Variants in SORCS1 observed in about 807,000 individuals in gnomAD.
SORCS1 encodes VPS10 domain-containing receptor SorCS1.
Under a neutral mutation model 146.1 loss-of-function variants are expected in SORCS1, and 60 were observed. The observed-to-expected ratio is 0.41, with a 90% CI of 0.33 to 0.51. The LOEUF (loss-of-function observed/expected upper bound fraction) is 0.51, where lower values mean the gene tolerates loss of function less well. SORCS1 is among the 20% of genes least tolerant of loss of function. The pLI, the probability that SORCS1 is intolerant of heterozygous loss-of-function variation, is 0.21. For missense variants in SORCS1, 1,352 were observed against 1,487.6 expected, an observed-to-expected ratio of 0.91 and a Z score of 1.50; for synonymous variants, 637 against 584.0, an observed-to-expected ratio of 1.09 and a Z score of -1.31.
intron 1 of SORCS1, among the ~76,000 whole-genome samples, chr10:106,957,124 T>TAAATAC (rs1954980840): frequency 1.3e-5 from 2 of 151,498 alleles, no homozygotes; most frequent in South Asian, 2.1e-4. Flanking sequence ...AATTAGGAAA[T>TAAATAC]AAATACAAAT....
chr10:106,811,477 G>A (rs1214547722), intron 3 of SORCS1, among the ~76,000 whole-genome samples: 1 of 152,142 alleles, frequency 6.6e-6, no homozygotes, highest in Non-Finnish European at 1.5e-5. Context: ...TTGTTAAAAT[G>A]CAGATTCTCA....
intron 18 of SORCS1, among the ~76,000 whole-genome samples, chr10:106,649,924 T>C (rs1849736835): frequency 6.6e-6 from 1 of 152,200 alleles, no homozygotes; most frequent in African/African-American, 2.4e-5. Flanking sequence ...TATATCTTTA[T>C]TTTTACAATT....
At chr10:107,018,197 C>T (rs1395724163) in intron 1 of SORCS1, among the ~76,000 whole-genome samples, 7 of 151,650 alleles carry the variant, frequency 4.6e-5, no homozygotes, top group South Asian at 2.1e-4. Flanking sequence ...TTTTCGGAGA[C>T]GGAGTCCCGC....
At chr10:106,887,730 G>T (rs1951054660) in intron 2 of SORCS1, among the ~76,000 whole-genome samples, 1 of 152,124 alleles carries the variant, frequency 6.6e-6, no homozygotes, top group African/African-American at 2.4e-5. Flanking sequence ...ACTCTTAAAA[G>T]GATCTAGTAT....
chr10:106,732,769 T>C (rs934229993), intron 5 of SORCS1, among the ~76,000 whole-genome samples: 39 of 152,282 alleles, frequency 2.6e-4, no homozygotes, highest in African/African-American at 8.9e-4. Flanking sequence ...TCTTGTATTA[T>C]CTTTAATGGC....
chr10:106,794,985 C>T (rs140542446), intron 3 of SORCS1, among the ~76,000 whole-genome samples: 18 of 152,314 alleles, frequency 1.2e-4, no homozygotes, highest in African/African-American at 4.3e-4. Context: ...TAGGAAATCA[C>T]TTCTTATGTC....
intron 14 of SORCS1, 122 bp downstream of exon 14, chr10:106,674,927 T>G: frequency 1.4e-6 from 1 of 714,714 alleles, no homozygotes; most frequent in Non-Finnish European, 2.3e-6. Context: ...CTGTACACTC[T>G]TGCAGTAAGA....
At chr10:106,947,943 C>T (rs1428597659) in intron 2 of SORCS1, among the ~76,000 whole-genome samples, 1 of 151,900 alleles carries the variant, frequency 6.6e-6, no homozygotes, top group African/African-American at 2.4e-5. Context: ...ATGTAGGAAG[C>T]AATACATAAG....
At chr10:106,882,660 C>G (rs1950849306) in intron 2 of SORCS1, among the ~76,000 whole-genome samples, 1 of 151,596 alleles carries the variant, frequency 6.6e-6, no homozygotes, top group Non-Finnish European at 1.5e-5. Context: ...CACACGCACA[C>G]TCACACTCAC....
chr10:106,822,782 GTTTTTT>G (rs1158921880), intron 3 of SORCS1, among the ~76,000 whole-genome samples: 1 of 113,166 alleles, frequency 8.8e-6, no homozygotes, highest in African/African-American at 3.8e-5. Context: ...TTCATGTGTG[GTTTTTT>G]TTTTTTTTTT....
At chr10:106,993,085 C>T (rs1589873413) in intron 1 of SORCS1, among the ~76,000 whole-genome samples, 1 of 152,228 alleles carries the variant, frequency 6.6e-6, no homozygotes, top group East Asian at 1.9e-4. Context: ...CGGCCTCGGC[C>T]TCCCAAAGTG....
At chr10:106,629,460 C>T (rs8181286) in intron 18 of SORCS1, 72 bp from the exon 19 acceptor site, 149,601 of 1,496,372 alleles carry the variant, frequency 0.1, 11,005 homozygotes, top group East Asian at 0.3. Flanking sequence ...CTGGGGACTA[C>T]GGCTTGTCCT....
At chr10:106,905,065 G>A (rs1951856688) in intron 2 of SORCS1, among the ~76,000 whole-genome samples, 1 of 152,056 alleles carries the variant, frequency 6.6e-6, no homozygotes, top group Admixed American at 6.6e-5. Flanking sequence ...AAGTTAAAAA[G>A]TAAATATTTA....
At chr10:106,940,417 G>A (rs776956404) in intron 2 of SORCS1, among the ~76,000 whole-genome samples, 50 of 152,182 alleles carry the variant, frequency 3.3e-4, no homozygotes, top group Non-Finnish European at 5.6e-4. Flanking sequence ...CAAAAATGAA[G>A]AAGGTAGCAT....
At chr10:106,579,852 G>A (rs978983365) in intron 24 of SORCS1, among the ~76,000 whole-genome samples, 4 of 152,096 alleles carry the variant, frequency 2.6e-5, no homozygotes, top group Non-Finnish European at 5.9e-5. Flanking sequence ...GCTAATGTAT[G>A]TTACGCATTG....
intron 1 of SORCS1, among the ~76,000 whole-genome samples, chr10:107,108,131 T>C (rs1965428658): frequency 6.6e-6 from 1 of 152,160 alleles, no homozygotes; most frequent in Admixed American, 6.5e-5. Flanking sequence ...TGAGCAATCC[T>C]ACATGCCCAG....
chr10:106,689,376 A>G (rs1853122844), intron 9 of SORCS1, among the ~76,000 whole-genome samples: 1 of 152,154 alleles, frequency 6.6e-6, no homozygotes, highest in Non-Finnish European at 1.5e-5. Flanking sequence ...ATGCATTCCA[A>G]TGCTGCATGT....
At position 107,066,165 on chromosome 10, in the gene SORCS1, T is replaced by G. The variant is rs527320156; in HGVS notation, c.558+97804A>C. On this transcript the variant is annotated intron_variant, in intron 1 of 25. Transcript: ENST00000263054. Reference sequence around the variant, plus strand: ...AAATTAATCTACCTGACTCCTTTTCTCATTTGGTCTGGAATGGAGAGGGCA... The same window carrying G: ...AAATTAATCTACCTGACTCCTTTTCGCATTTGGTCTGGAATGGAGAGGGCA... 7.2e-5 allele frequency among the ~76,000 whole-genome samples: 11 copies of G among 152,296 alleles called. No homozygotes were observed. In the South Asian group the frequency reaches 1.7e-3, roughly 23 times the overall value.
chr10:106,806,059 C>CAAAAAAAAA (rs368242771), intron 3 of SORCS1, among the ~76,000 whole-genome samples: 1 of 100,160 alleles, frequency 1.0e-5, no homozygotes, highest in Non-Finnish European at 1.9e-5. Flanking sequence ...GACTCCGTCT[C>CAAAAAAAAA]AAAAAAAAAA....
Sources: allele counts gnomAD v4.1 joint callset (sites outside exome capture counted in the v4.1 genomes callset), GRCh38; gene constraint gnomAD v4.1.1; transcripts MANE v1.5; gene names NCBI Gene and HGNC (gene_info 2026-07-23, HGNC 2026-07-21).